The following MGMT variants were observed in gnomAD, a reference collection of about 807,000 sequenced individuals.
MGMT encodes O-6-methylguanine-DNA methyltransferase, also known as methylated-DNA--protein-cysteine methyltransferase.
In MGMT, 14 loss-of-function variants were observed where a neutral mutation model predicts 15.9. The ratio of observed to expected loss-of-function variants is 0.88; its 90% confidence interval spans 0.58 to 1.37. MGMT has a LOEUF of 1.37. Ranked by LOEUF, MGMT falls within the 40% of genes most tolerant of loss-of-function variation. The pLI is 0.00. For synonymous variants in MGMT, 130 were observed against 118.2 expected, an observed-to-expected ratio of 1.10 and a Z score of -0.65; for missense variants, 282 against 268.1, an observed-to-expected ratio of 1.05 and a Z score of -0.36.
At chr10:129,661,970 C>G (rs1175192771) in intron 2 of MGMT, among the ~76,000 whole-genome samples, 1 of 152,124 alleles carries the variant, frequency 6.6e-6, no homozygotes, top group African/African-American at 2.4e-5. Context: ...TTATTCTGAC[C>G]TTTCCTGTGT....
intron 1 of MGMT, among the ~76,000 whole-genome samples, chr10:129,476,590 T>G (rs1845297180): frequency 6.6e-6 from 1 of 152,078 alleles, no homozygotes; most frequent in South Asian, 2.1e-4. Flanking sequence ...TTGGGGTTCC[T>G]GGGTGCTCAC....
chr10:129,576,892 A>T (rs904898950), intron 2 of MGMT, among the ~76,000 whole-genome samples: 16 of 152,210 alleles, frequency 1.1e-4, no homozygotes, highest in Non-Finnish European at 1.6e-4. Context: ...TACACCAATA[A>T]CAGGCAAACA....
intron 1 of MGMT, among the ~76,000 whole-genome samples, chr10:129,501,867 C>T (rs1354738870): frequency 7.0e-6 from 1 of 143,678 alleles, no homozygotes; most frequent in Non-Finnish European, 1.6e-5. Flanking sequence ...GAGGACTGCC[C>T]CGTTCCACTC....
chr10:129,541,819 T>A (rs1402790595), intron 2 of MGMT, among the ~76,000 whole-genome samples: 1 of 152,226 alleles, frequency 6.6e-6, no homozygotes, highest in Non-Finnish European at 1.5e-5. Context: ...GCAGAGGCTC[T>A]TTTTCTGTCT....
At chr10:129,740,572 G>A (rs191729695) in intron 3 of MGMT, among the ~76,000 whole-genome samples, 1 of 152,316 alleles carries the variant, frequency 6.6e-6, no homozygotes, top group African/African-American at 2.4e-5. Context: ...GGCACTTACT[G>A]TTGTGGGAAC....
intron 2 of MGMT, among the ~76,000 whole-genome samples, chr10:129,652,511 AG>A (rs1357353608): frequency 6.6e-6 from 1 of 152,230 alleles, no homozygotes; most frequent in African/African-American, 2.4e-5. Flanking sequence ...AGGCTTTCAA[AG>A]GCCTGAGAGC....
rs1845882015 is a variant in MGMT at position 129,527,321 on chromosome 10, C to T, written c.-12-8920C>T. Among the ~76,000 whole-genome samples the T allele has an allele frequency of 2.0e-5, 3 of 152,286 alleles. No individual in the cohort carries two copies. The South Asian group carries it at 6.2e-4, about 32-fold the overall frequency. ...GGAGCCCCCCTTAGGACCGATGGTT[C>T]GAATTCTGGAAGTCCTAAACATTTG... is the stretch of plus-strand genomic sequence containing the variant. On this transcript the variant is annotated intron_variant, in intron 1 of 4. Transcript: ENST00000651593.
At chr10:129,678,703 GA>G (rs1847813664) in intron 2 of MGMT, among the ~76,000 whole-genome samples, 1 of 152,134 alleles carries the variant, frequency 6.6e-6, no homozygotes, top group Non-Finnish European at 1.5e-5. Context: ...ATGTTTTAAT[GA>G]CACAGGATCC....
At chr10:129,636,404 T>C (rs1847265429) in intron 2 of MGMT, among the ~76,000 whole-genome samples, 1 of 152,246 alleles carries the variant, frequency 6.6e-6, no homozygotes, top group Non-Finnish European at 1.5e-5. Context: ...ATTTGCATCA[T>C]TGAAAAGGGG....
intron 2 of MGMT, among the ~76,000 whole-genome samples, chr10:129,604,737 A>ACCCGCCCCCCCCCCCCCCCC (rs1466589243): frequency 2.6e-5 from 1 of 38,766 alleles, no homozygotes; most frequent in Non-Finnish European, 5.4e-5. Flanking sequence ...TCGCCGCCCC[A>ACCCGCCCCCCCCCCCCCCCC]CCCCCTCCCC....
intron 2 of MGMT, among the ~76,000 whole-genome samples, chr10:129,553,089 G>A (rs576236786): frequency 6.6e-5 from 10 of 152,242 alleles, no homozygotes; most frequent in East Asian, 3.9e-4. Flanking sequence ...GCTTCCCACC[G>A]CATGGAGTTT....
chr10:129,588,123 C>T (rs1056470810), intron 2 of MGMT, among the ~76,000 whole-genome samples: 1 of 152,156 alleles, frequency 6.6e-6, no homozygotes, highest in African/African-American at 2.4e-5. Context: ...GAGATCATGG[C>T]CGGGGACTCA....
chr10:129,641,867 A>G (rs1847331328), intron 2 of MGMT, among the ~76,000 whole-genome samples: 1 of 152,214 alleles, frequency 6.6e-6, no homozygotes, highest in Non-Finnish European at 1.5e-5. Flanking sequence ...AATATTTTGT[A>G]TCTAATGTAA....
intron 2 of MGMT, among the ~76,000 whole-genome samples, chr10:129,537,636 T>G (rs933257068): frequency 4.6e-5 from 7 of 152,086 alleles, no homozygotes; most frequent in African/African-American, 1.2e-4. Flanking sequence ...AAAACAAACA[T>G]TATAAGATAT....
intron 3 of MGMT, among the ~76,000 whole-genome samples, chr10:129,744,301 T>C (rs1181890540): frequency 6.6e-6 from 1 of 152,224 alleles, no homozygotes; most frequent in Non-Finnish European, 1.5e-5. Context: ...GCCACCTCCA[T>C]GCCTGGGCAG....
chr10:129,604,366 T>G (rs1846861880), intron 2 of MGMT, among the ~76,000 whole-genome samples: 1 of 152,080 alleles, frequency 6.6e-6, no homozygotes, highest in South Asian at 2.1e-4. Context: ...TTTTATCTTC[T>G]GAAAAAAAAA....
chr10:129,765,928 A>G (rs1200258205), intron 4 of MGMT, among the ~76,000 whole-genome samples: 1 of 152,128 alleles, frequency 6.6e-6, no homozygotes, highest in Non-Finnish European at 1.5e-5. Flanking sequence ...CAGTGGACCC[A>G]TGGAGCTCCT....
At chr10:129,539,541 C>T (rs939944461) in intron 2 of MGMT, among the ~76,000 whole-genome samples, 4 of 152,032 alleles carry the variant, frequency 2.6e-5, no homozygotes, top group African/African-American at 9.7e-5. Flanking sequence ...GAGTCTTGCT[C>T]TGTCGCCCAG....
At chr10:129,587,515 G>A (rs1310069062) in intron 2 of MGMT, among the ~76,000 whole-genome samples, 2 of 149,724 alleles carry the variant, frequency 1.3e-5, no homozygotes, top group African/African-American at 2.5e-5. Context: ...TTTTGAGATG[G>A]AGTCTTGTTC....
Sources: gnomAD v4.1 joint callset for allele counts (sites outside exome capture counted in the v4.1 genomes callset) on GRCh38, gnomAD v4.1.1 for gene constraint, MANE v1.5 for transcripts, NCBI Gene and HGNC (gene_info 2026-07-23, HGNC 2026-07-21) for gene names.